Variants in SAMD5 observed in about 807,000 individuals in gnomAD.
SAMD5 encodes sterile alpha motif domain containing 5, also known as sterile alpha motif domain-containing protein 5.
Under a neutral mutation model 11.3 loss-of-function variants are expected in SAMD5, and 13 were observed. The ratio of observed to expected loss-of-function variants is 1.15; its 90% confidence interval spans 0.75 to 1.83. SAMD5 has a LOEUF of 1.83. Among genes scored for constraint, SAMD5 ranks in the 40% most tolerant of loss-of-function variants. The pLI, the probability that SAMD5 is intolerant of heterozygous loss-of-function variation, is 0.00. For synonymous variants in SAMD5, 129 were observed against 111.3 expected (o/e 1.16, Z -1.00); for missense variants, 255 against 239.1 (o/e 1.07, Z -0.44).
chr6:147,949,853 A>ATTAG, the SAMD5 span, among the ~76,000 whole-genome samples: 1 of 152,252 alleles, frequency 6.6e-6, no homozygotes, highest in Non-Finnish European at 1.5e-5. Context: ...ATTTTGTTAT[A>ATTAG]CTGCATTTCT....
the SAMD5 span, among the ~76,000 whole-genome samples, chr6:147,783,708 G>A: frequency 4.6e-5 from 7 of 152,028 alleles, no homozygotes; most frequent in Non-Finnish European, 8.8e-5. Flanking sequence ...CAGAAAATAC[G>A]TTTTTATAAT....
the SAMD5 span, among the ~76,000 whole-genome samples, chr6:147,900,294 A>G: frequency 1.1e-4 from 16 of 152,334 alleles, no homozygotes; most frequent in South Asian, 6.2e-4. Flanking sequence ...AGAGATGATG[A>G]TCATTTCCTT....
the SAMD5 span, among the ~76,000 whole-genome samples, chr6:147,823,444 C>T: frequency 1.3e-5 from 2 of 151,388 alleles, no homozygotes; most frequent in Admixed American, 6.6e-5. Flanking sequence ...CATAAAAAAA[C>T]CCACAAAATC....
In SAMD5 at chr6:147,509,060, C is replaced by T. The variant is rs754012130; in HGVS notation, c.132C>T (p.Ile44=). ...TCGGGGACCCGGACCTGGATGCCAT[C>T]GGGGTGCTGGCGCCCGCGCACCGCC... The part of the protein sequence containing the change: ...KQIGDPDLDA[I]GVLAPAHRRR... Residue 44 remains isoleucine (I), a synonymous_variant, in exon 1 of 2, where the codon ATC becomes ATT. Coordinates refer to ENST00000367474, the MANE Select transcript of SAMD5 (RefSeq NM_001030060.3). 3.1e-6 allele frequency: 5 copies of T among 1,605,104 alleles called. No homozygotes were observed. The Admixed American group carries it at 8.5e-5, about 27-fold the overall frequency.
chr6:147,564,216 T>G (rs181926726), intron 1 of SAMD5, among the ~76,000 whole-genome samples, 178 bp from the exon 2 acceptor site: 131 of 152,262 alleles, frequency 8.6e-4, no homozygotes, highest in Middle Eastern at 3.4e-3. Flanking sequence ...TTTAATTAGC[T>G]TGAAAGAGAA....
At chr6:147,780,795 A>G in the SAMD5 span, among the ~76,000 whole-genome samples, 2 of 152,212 alleles carry the variant, frequency 1.3e-5, no homozygotes, top group African/African-American at 2.4e-5. Context: ...AAATATAACA[A>G]TTTGTTTTTT....
At chr6:147,793,605 G>A in the SAMD5 span, among the ~76,000 whole-genome samples, 1 of 152,082 alleles carries the variant, frequency 6.6e-6, no homozygotes, top group East Asian at 1.9e-4. Flanking sequence ...TTATTTTATT[G>A]TATGGATGGA....
chr6:147,555,442 A>C (rs893950306), intron 1 of SAMD5, among the ~76,000 whole-genome samples: 1 of 152,242 alleles, frequency 6.6e-6, no homozygotes, highest in African/African-American at 2.4e-5. Flanking sequence ...CTAATGATGA[A>C]ATTTGAATGT....
chr6:147,632,474 A>T (rs1167684877), intron 1 of SAMD5, among the ~76,000 whole-genome samples: 1 of 152,170 alleles, frequency 6.6e-6, no homozygotes, highest in Non-Finnish European at 1.5e-5. Context: ...GTCAGGTGTG[A>T]GGAAGAAAAT....
At chr6:147,675,771 C>T (rs1169472328) in intron 1 of SAMD5, among the ~76,000 whole-genome samples, 3 of 152,098 alleles carry the variant, frequency 2.0e-5, no homozygotes, top group African/African-American at 4.8e-5. Flanking sequence ...ATAACACCTT[C>T]ATAGAATCCA....
chr6:147,802,432 C>A, the SAMD5 span, among the ~76,000 whole-genome samples: 5 of 151,806 alleles, frequency 3.3e-5, no homozygotes, highest in East Asian at 5.8e-4. Context: ...GGATGTGGAA[C>A]AACTCGAGCT....
chr6:147,517,803 C>G (rs1284660944), intron 1 of SAMD5, among the ~76,000 whole-genome samples: 1 of 150,810 alleles, frequency 6.6e-6, no homozygotes, highest in Non-Finnish European at 1.5e-5. Flanking sequence ...TCAAATCAGG[C>G]AGTTAAGAGT....
intron 1 of SAMD5, among the ~76,000 whole-genome samples, chr6:147,734,901 C>CTGCAAGGTATTG (rs1791773669): frequency 6.6e-6 from 1 of 151,984 alleles, no homozygotes; most frequent in African/African-American, 2.4e-5. Context: ...TTTATGACTT[C>CTGCAAGGTATTG]TGCAAGGTAT....
chr6:147,743,896 G>T, the SAMD5 span, among the ~76,000 whole-genome samples: 1 of 152,196 alleles, frequency 6.6e-6, no homozygotes, highest in South Asian at 2.1e-4. Flanking sequence ...CTTAACTGGC[G>T]TGGTTTATTA....
the SAMD5 span, among the ~76,000 whole-genome samples, chr6:147,840,552 G>A: frequency 6.6e-6 from 1 of 152,190 alleles, no homozygotes; most frequent in Non-Finnish European, 1.5e-5. Context: ...AAGGATAAAA[G>A]GGCTGAAGTA....
chr6:147,894,986 T>G, the SAMD5 span, among the ~76,000 whole-genome samples: 1 of 152,224 alleles, frequency 6.6e-6, no homozygotes, highest in African/African-American at 2.4e-5. Context: ...CAAAGTGGAA[T>G]TTTCTCATCT....
Position 147,701,652 on chromosome 6 carries a change from CA to C in SAMD5, c.163-35649del, listed in dbSNP as rs35003792. Among the ~76,000 whole-genome samples, 369 of 136,862 alleles carry C rather than the reference CA, an allele frequency of 2.7e-3. 1 individual carries two copies. Among genetic ancestry groups the C allele is most frequent in the African/African-American group, 8.2e-3 (300 of 36,506 alleles). The allele number at this position is 136,862 out of a possible 152,430, so 89.8% of individuals were successfully genotyped here. A position where few individuals can be genotyped will look rare whatever the true frequency, so the allele number is the denominator to read the frequency against. On this transcript the variant is annotated intron_variant, in intron 1 of 1. Transcript: ENST00000566741. ...GCTGGGCAACAGAGCTAGTCTGTCT[CA>C]AAAAAAAAAAAAAAATTAAAAACTG...
At chr6:147,660,131 C>T (rs980532140) in intron 1 of SAMD5, among the ~76,000 whole-genome samples, 1 of 152,134 alleles carries the variant, frequency 6.6e-6, no homozygotes, top group Non-Finnish European at 1.5e-5. Flanking sequence ...TAGAAGTCGG[C>T]CTGTCCTTAT....
chr6:147,858,319 C>A, the SAMD5 span, among the ~76,000 whole-genome samples: 1 of 152,060 alleles, frequency 6.6e-6, no homozygotes, highest in Non-Finnish European at 1.5e-5. Flanking sequence ...ACTTCTTGGG[C>A]CTTCTTCAAA....
Sources: allele counts gnomAD v4.1 joint callset (sites outside exome capture counted in the v4.1 genomes callset), GRCh38; gene constraint gnomAD v4.1.1; transcripts MANE v1.5; gene names NCBI Gene and HGNC (gene_info 2026-07-23, HGNC 2026-07-21).